Variants in HOXB9 observed in about 807,000 individuals in gnomAD.
The protein encoded by HOXB9 is homeobox B9.
HOXB9 carries 10 observed loss-of-function variants against 21.5 expected under a neutral mutation model. The ratio of observed to expected loss-of-function variants is 0.47; its 90% confidence interval spans 0.29 to 0.79. The LOEUF (loss-of-function observed/expected upper bound fraction) is 0.79. HOXB9 is among the 30% of genes least tolerant of loss of function. The pLI is 0.10. For missense variants in HOXB9, 375 were observed against 338.7 expected, an observed-to-expected ratio of 1.11 and a Z score of -0.84; for synonymous variants, 156 against 151.2, an observed-to-expected ratio of 1.03 and a Z score of -0.23.
In HOXB9 at chr17:48,625,860, CTG is replaced by C; in HGVS notation, c.408_409del (p.Tyr136Ter). 8 of 1,612,078 alleles carry C rather than the reference CTG, an allele frequency of 5.0e-6. No homozygotes were observed. The highest frequency in any genetic ancestry group is 6.8e-6 in the Non-Finnish European group (8 of 1,179,384). On this transcript the variant is annotated stop_gained and frameshift_variant, in exon 1 of 2. Coordinates refer to ENST00000311177, the MANE Select transcript of HOXB9 (RefSeq NM_024017.5). LOFTEE classifies it high-confidence loss of function. Reference sequence around the variant, plus strand: ...CTCCCTGCCCGCCGAAGTTTCCAAACTGTACTCGGGCGTGCCCTGTTTGAGCA... The same window carrying C: ...CTCCCTGCCCGCCGAAGTTTCCAAACTACTCGGGCGTGCCCTGTTTGAGCA...
chr17:48,621,730 C>T lies in HOXB9; in HGVS notation c.*1170G>A, dbSNP rs748659777. ...GTTGCGCGCTGGGGCCGTTGCTCCT[C>T]CCTGTCCCAGACCACTTGTCCCGGA... On this transcript the variant is annotated 3_prime_UTR_variant, in exon 2 of 2. Transcript: ENST00000311177. The T allele has an allele frequency of 1.3e-5, 2 of 152,334 alleles. No homozygotes were observed. Among genetic ancestry groups the T allele is most frequent in the Non-Finnish European group, 2.9e-5 (2 of 68,100 alleles). The allele number at this position is 152,334 out of a possible 1,614,324, so 9.4% of individuals were successfully genotyped here. A position where few individuals can be genotyped will look rare whatever the true frequency, so the allele number is the denominator to read the frequency against.
rs935542401 is a variant in HOXB9, at chr17:48,622,155, C to T, written c.*745G>A. 3.9e-5 allele frequency: 6 copies of T among 152,460 alleles called. No homozygotes were observed. Among genetic ancestry groups the T allele is most frequent in the African/African-American group, 1.4e-4 (6 of 41,442 alleles). 9.4% of individuals were successfully genotyped at this position (152,460 alleles called of 1,614,324 possible). ...TGGGGAGTAGCTCCACCTAAGATAG[C>T]TTCATAAAACCACGTGCTGCCTTTT... On this transcript the variant is annotated 3_prime_UTR_variant, in exon 2 of 2. Coordinates refer to ENST00000311177, the MANE Select transcript of HOXB9 (RefSeq NM_024017.5).
rs527790273 is a variant in HOXB9, at chr17:48,622,675, A to G, written c.*225T>C. 1.3e-5 allele frequency: 6 copies of G among 473,750 alleles called. No homozygotes were observed. The South Asian group carries it at 1.6e-4, about 12-fold the overall frequency. 29.3% of individuals were successfully genotyped at this position (473,750 alleles called of 1,614,324 possible). On this transcript the variant is annotated 3_prime_UTR_variant, in exon 2 of 2. Transcript: ENST00000311177. ...ACATTCTTAGGAACCAACTATTTCT[A>G]TCTTCTAAATCAACAAAACTTTCTC...
intron 1 of HOXB9, among the ~76,000 whole-genome samples, chr17:48,624,346 A>G (rs1041451111): frequency 6.6e-6 from 1 of 152,182 alleles, no homozygotes; most frequent in Non-Finnish European, 1.5e-5. Flanking sequence ...TGAAAGAGGG[A>G]AAAAACTGTT....
chr17:48,626,016 T>C lies in HOXB9; in HGVS notation c.254A>G (p.Gln85Arg). The part of the protein sequence containing the change: ...PSVYHPYIQP[Q>R]GVPPAESRYL... The stretch of plus-strand genomic sequence containing the variant: ...CCTGCTCTCGGCCGGCGGGACGCCC[T>C]GGGGCTGGATGTAAGGGTGGTAGAC... The change falls in exon 1 of 2, where the codon CAG (glutamine) becomes CGG (arginine). Residue 85 changes from glutamine to arginine, a missense_variant. Transcript: ENST00000311177. 6.4e-7 allele frequency: 1 copy of C among 1,572,618 alleles called. No individual in the cohort carries two copies. The highest frequency in any genetic ancestry group is 8.6e-7 in the Non-Finnish European group (1 of 1,166,516).
In HOXB9 at chr17:48,622,316, A is replaced by G. The variant is rs1204112954; in HGVS notation, c.*584T>C. The G allele has an allele frequency of 6.5e-6, 1 of 153,006 alleles. No homozygotes were observed. Among genetic ancestry groups the G allele is most frequent in the Non-Finnish European group, 1.5e-5 (1 of 68,340 alleles). 9.5% of individuals were successfully genotyped at this position (153,006 alleles called of 1,614,324 possible). ...GCCTTTGGGCTGCAACACCTCACTC[A>G]GGAGTCTGCCTCTAGACATCTCCCT... On this transcript the variant is annotated 3_prime_UTR_variant, in exon 2 of 2. Coordinates refer to ENST00000311177, the MANE Select transcript of HOXB9 (RefSeq NM_024017.5).
chr17:48,624,539 T>A (rs535286158), intron 1 of HOXB9, among the ~76,000 whole-genome samples: 1 of 152,204 alleles, frequency 6.6e-6, no homozygotes, highest in East Asian at 1.9e-4. Flanking sequence ...CTGCAAGGAA[T>A]GGGGCTGCTC....
At position 48,623,102 on chromosome 17, in the gene HOXB9, G is replaced by C. The variant is rs754379249; in HGVS notation, c.551C>G (p.Ser184Cys). ...NPSANWLHAR[S>C]SRKKRCPYTK... ...GTAGGGACAGCGCTTTTTCCGGGAA[G>C]AGCGAGCGTGCAGCCAGTTGGCGGA... The change falls in exon 2 of 2, where the codon TCT becomes TGT. Residue 184 changes from serine (S) to cysteine (C), a missense_variant. By Grantham distance (112) the Ser-to-Cys change is moderately radical. Transcript: ENST00000311177. 1.9e-6 allele frequency: 3 copies of C among 1,613,816 alleles called. No individual in the cohort carries two copies. The African/African-American group carries it at 4.0e-5, about 22-fold the overall frequency.
In HOXB9 at chr17:48,625,982, G is replaced by A; in HGVS notation, c.288C>T (p.Arg96=). 6.5e-7 allele frequency: 1 copy of A among 1,536,874 alleles called. No individual in the cohort carries two copies. Among genetic ancestry groups the A allele is most frequent in the Non-Finnish European group, 8.7e-7 (1 of 1,148,482 alleles). The part of the protein sequence containing the change: ...GVPPAESRYL[R]TWLEPAPRGE... ...CGCGCGGCGCCGGCTCCAGCCAGGT[G>A]CGGAGGTACCTGCTCTCGGCCGGCG... Residue 96 remains arginine (R), a synonymous_variant, in exon 1 of 2, where the codon CGC becomes CGT. Transcript: ENST00000311177.
Position 48,622,888 on chromosome 17 carries a change from A to T in HOXB9, c.*12T>A. 1.3e-6 allele frequency: 2 copies of T among 1,587,928 alleles called. No individual in the cohort carries two copies. The highest frequency in any genetic ancestry group is 1.7e-6 in the Non-Finnish European group (2 of 1,156,516). On this transcript the variant is annotated 3_prime_UTR_variant, in exon 2 of 2. Coordinates refer to ENST00000311177, the MANE Select transcript of HOXB9 (RefSeq NM_024017.5). ...GGAAGAGCTAGGGAGGACTGGGGGT[A>T]ATCTTTAATCTTTACTCTTTGCCCT... is the stretch of plus-strand genomic sequence containing the variant.
At chr17:48,623,616 C>G (rs2070788746) in intron 1 of HOXB9, among the ~76,000 whole-genome samples, 1 of 152,130 alleles carries the variant, frequency 6.6e-6, no homozygotes, top group Admixed American at 6.5e-5. Flanking sequence ...GACCTCTCAG[C>G]CCTTCAGTCC....
chr17:48,624,999 G>A (rs2070798834), intron 1 of HOXB9, among the ~76,000 whole-genome samples: 1 of 152,194 alleles, frequency 6.6e-6, no homozygotes, highest in South Asian at 2.1e-4. Flanking sequence ...CTGGGGCTCG[G>A]GAGCCCCGCA....
Position 48,626,085 on chromosome 17 carries a change from G to C in HOXB9, c.185C>G (p.Ser62Cys), listed in dbSNP as rs752346750. The change falls in exon 1 of 2, where the codon TCC becomes TGC. Residue 62 changes from serine (S) to cysteine (C), a missense_variant. By Grantham distance (112) the Ser-to-Cys change is moderately radical. Transcript: ENST00000311177. ...CGCGTGCGGGCTCAGCGGCGCCCAGGAGGCGCCGAACACCGGCGCTTTGGG... is the reference window on the plus strand; with the variant it reads ...CGCGTGCGGGCTCAGCGGCGCCCAGCAGGCGCCGAACACCGGCGCTTTGGG... ...FQPKAPVFGA[S>C]WAPLSPHASG... 2 of 1,577,266 alleles carry C rather than the reference G, an allele frequency of 1.3e-6. No homozygotes were observed. Among genetic ancestry groups the C allele is most frequent in the South Asian group, 2.3e-5 (2 of 87,730 alleles).
chr17:48,625,765 T>A lies in HOXB9; in HGVS notation c.505A>T (p.Arg169Trp). 6.3e-7 allele frequency: 1 copy of A among 1,589,154 alleles called. No individual in the cohort carries two copies. Among genetic ancestry groups the A allele is most frequent in the Non-Finnish European group, 8.6e-7 (1 of 1,168,094 alleles). The change falls in exon 1 of 2, where the codon AGG becomes TGG. Residue 169 changes from arginine (R) to tryptophan (W), a missense_variant. Physicochemically the swap from Arg to Trp is moderately radical, Grantham distance 101. Coordinates refer to ENST00000311177, the MANE Select transcript of HOXB9 (RefSeq NM_024017.5). ...KICEGSEDKERPDQTNPSANW... is the reference protein window; with the variant it reads ...KICEGSEDKEWPDQTNPSANW... ...TTTTATAACTTACTTTGATCCGGCC[T>A]CTCTTTGTCCTCGCTTCCTTCGCAA...
chr17:48,625,798 T>C lies in HOXB9; in HGVS notation c.472A>G (p.Asn158Asp). Residue 158 changes from asparagine (N) to aspartate (D), a missense_variant, in exon 1 of 2, where the codon AAT becomes GAT. Transcript: ENST00000311177. ...LSNQRPGYGD[N>D]KICEGSEDKE... Reference sequence around the variant, plus strand: ...TCCTCGCTTCCTTCGCAAATTTTATTGTCCCCGTAGCCGGGTCTTTGATTA... The same window carrying C: ...TCCTCGCTTCCTTCGCAAATTTTATCGTCCCCGTAGCCGGGTCTTTGATTA... The C allele has an allele frequency of 1.9e-6, 3 of 1,606,428 alleles. No homozygotes were observed. Among genetic ancestry groups the C allele is most frequent in the African/African-American group, 2.7e-5 (2 of 74,374 alleles).
chr17:48,623,835 G>A (rs146725541), intron 1 of HOXB9, among the ~76,000 whole-genome samples: 65 of 152,296 alleles, frequency 4.3e-4, no homozygotes, highest in Non-Finnish European at 7.2e-4. Context: ...TTATGGACAG[G>A]GGAGCACTGG....
chr17:48,623,824 C>T (rs561226152), intron 1 of HOXB9, among the ~76,000 whole-genome samples: 1 of 152,322 alleles, frequency 6.6e-6, no homozygotes, highest in South Asian at 2.1e-4. Context: ...TCAACTCCAG[C>T]TTATGGACAG....
At position 48,622,590 on chromosome 17, in the gene HOXB9, A is replaced by C. The variant is rs1043852824; in HGVS notation, c.*310T>G. 5.8e-5 allele frequency: 17 copies of C among 292,916 alleles called. No individual in the cohort carries two copies. Among genetic ancestry groups the C allele is most frequent in the South Asian group, 1.8e-4 (4 of 22,710 alleles). The allele number at this position is 292,916 out of a possible 1,614,324, so 18.1% of individuals were successfully genotyped here. A position where few individuals can be genotyped will look rare whatever the true frequency, so the allele number is the denominator to read the frequency against. ...TGGAAGTGAGGGGCTAGGACTTCCCAGAAAAATTACAGGGCATACTAGGAG... is the reference window on the plus strand; with the variant it reads ...TGGAAGTGAGGGGCTAGGACTTCCCCGAAAAATTACAGGGCATACTAGGAG... On this transcript the variant is annotated 3_prime_UTR_variant, in exon 2 of 2. Coordinates refer to ENST00000311177, the MANE Select transcript of HOXB9 (RefSeq NM_024017.5).
chr17:48,625,199 G>A (rs1016121414), intron 1 of HOXB9, among the ~76,000 whole-genome samples: 8 of 152,380 alleles, frequency 5.3e-5, no homozygotes, highest in Admixed American at 5.2e-4. Flanking sequence ...TACAGCGCGA[G>A]ATCTGCTAGG....
Sources: allele counts gnomAD v4.1 joint callset (sites outside exome capture counted in the v4.1 genomes callset), GRCh38; gene constraint gnomAD v4.1.1; transcripts MANE v1.5; gene names NCBI Gene and HGNC (gene_info 2026-07-23, HGNC 2026-07-21).